Variants in SECISBP2L observed in about 807,000 individuals in gnomAD.
SECISBP2L encodes the protein selenocysteine insertion sequence-binding protein 2-like.
In SECISBP2L, 43 loss-of-function variants were observed where a neutral mutation model predicts 114.7. That is an observed-to-expected ratio of 0.38 (90% CI 0.29 to 0.48). The LOEUF is 0.48. Ranked by LOEUF, SECISBP2L falls within the 20% of genes least tolerant of loss-of-function variation. The pLI, the probability that SECISBP2L is intolerant of heterozygous loss-of-function variation, is 0.98. For synonymous variants in SECISBP2L, 451 were observed against 439.7 expected (o/e 1.03, Z -0.32); for missense variants, 1,136 against 1,301.1 (o/e 0.87, Z 1.95).
chr15:49,031,037 C>CT (rs373799142), intron 4 of SECISBP2L, among the ~76,000 whole-genome samples: 15,809 of 83,360 alleles, frequency 0.19, 358 homozygotes, highest in Non-Finnish European at 0.25. Flanking sequence ...TTATCATTTT[C>CT]TTTTTTTTTT....
intron 13 of SECISBP2L, among the ~76,000 whole-genome samples, chr15:49,010,153 A>ACACACACACACG (rs1190593953): frequency 6.8e-6 from 1 of 147,382 alleles, no homozygotes; most frequent in East Asian, 2.0e-4. Flanking sequence ...ACACACACAC[A>ACACACACACACG]CCCCTCTTGC....
At chr15:49,003,362 T>C (rs2141063736) in intron 14 of SECISBP2L, among the ~76,000 whole-genome samples, 1 of 152,368 alleles carries the variant, frequency 6.6e-6, no homozygotes, top group Non-Finnish European at 1.5e-5. Context: ...GTTTTCAAAA[T>C]ATACAATCAT....
At chr15:49,027,913 A>G (rs1245100516) in intron 6 of SECISBP2L, among the ~76,000 whole-genome samples, 2 of 152,084 alleles carry the variant, frequency 1.3e-5, no homozygotes, top group Non-Finnish European at 2.9e-5. Context: ...CCGGCCCTAT[A>G]AACTTCTAAG....
At chr15:49,004,419 T>A (rs1902273647) in intron 14 of SECISBP2L, among the ~76,000 whole-genome samples, 2 of 152,204 alleles carry the variant, frequency 1.3e-5, no homozygotes, top group Non-Finnish European at 2.9e-5. Flanking sequence ...GTTTTTTGTG[T>A]CTCTATCTCC....
Position 48,996,601 on chromosome 15 carries a change from T to G in SECISBP2L, c.2404-15A>C. ...TTAAACAGGCTCTGAAAAGAAAGAG[T>G]ATTTTGATTAATCCATTTTTTTGTT... On this transcript the variant is annotated splice_polypyrimidine_tract_variant and intron_variant, in intron 16 of 17. Transcript: ENST00000559471. 1 of 1,599,582 alleles carries G rather than the reference T, an allele frequency of 6.3e-7. No individual in the cohort carries two copies. Among genetic ancestry groups the G allele is most frequent in the Non-Finnish European group, 8.5e-7 (1 of 1,170,780 alleles).
intron 13 of SECISBP2L, among the ~76,000 whole-genome samples, chr15:49,010,124 G>GACAGACACACACACACACAC (rs1555385793): frequency 5.0e-5 from 7 of 138,748 alleles, no homozygotes; most frequent in Non-Finnish European, 1.1e-4. Flanking sequence ...AACAGAGGCA[G>GACAGACACACACACACACAC]ACACACACAC....
At chr15:49,001,798 T>G (rs1269889001) in intron 14 of SECISBP2L, 1 of 152,236 alleles carries the variant, frequency 6.6e-6, no homozygotes, top group African/African-American at 2.4e-5. Flanking sequence ...GAACTCATCC[T>G]TTTTTATGGC....
chr15:49,011,541 CCT>C (rs1458339820), intron 13 of SECISBP2L, 188 bp downstream of exon 13: 1 of 607,496 alleles, frequency 1.6e-6, no homozygotes, highest in Non-Finnish European at 2.8e-6. Flanking sequence ...CTATATAATA[CCT>C]GTCCCCTTCT....
At chr15:49,029,433 C>T (rs767111086) in intron 4 of SECISBP2L, among the ~76,000 whole-genome samples, 42 of 152,152 alleles carry the variant, frequency 2.8e-4, no homozygotes, top group Non-Finnish European at 4.4e-4. Context: ...TATTTTAAAA[C>T]GCCACTTTAT....
intron 15 of SECISBP2L, among the ~76,000 whole-genome samples, chr15:49,000,604 T>C (rs553351557): frequency 6.6e-6 from 1 of 152,366 alleles, no homozygotes; most frequent in Non-Finnish European, 1.5e-5. Context: ...AAATGCATTC[T>C]GGCTAGACCT....
chr15:48,999,483 A>G (rs1036173419), intron 16 of SECISBP2L, among the ~76,000 whole-genome samples: 11 of 152,218 alleles, frequency 7.2e-5, no homozygotes, highest in South Asian at 6.2e-4. Flanking sequence ...CTAGTAGCAC[A>G]AAATATACCC....
At chr15:49,046,145 G>A in intron 1 of SECISBP2L, 131 bp downstream of exon 1, 1 of 1,019,114 alleles carries the variant, frequency 9.8e-7, no homozygotes, top group Non-Finnish European at 1.4e-6. Flanking sequence ...GGAGCTGCCA[G>A]GCTCCCAGGT....
At chr15:49,026,505 T>C (rs1391328235) in intron 7 of SECISBP2L, among the ~76,000 whole-genome samples, 3 of 152,176 alleles carry the variant, frequency 2.0e-5, no homozygotes, top group South Asian at 4.1e-4. Flanking sequence ...ACAGTTATCA[T>C]GTGTCGACTA....
intron 14 of SECISBP2L, among the ~76,000 whole-genome samples, chr15:49,005,150 C>T (rs944586428): frequency 1.3e-5 from 2 of 152,038 alleles, no homozygotes; most frequent in African/African-American, 2.4e-5. Flanking sequence ...GCCAACATGG[C>T]GAAATCCTGT....
Position 48,988,690 on chromosome 15 carries a change from C to G in SECISBP2L, c.*3554G>C. 2.3e-6 allele frequency: 1 copy of G among 444,338 alleles called. No homozygotes were observed. The highest frequency in any genetic ancestry group is 1.6e-5 in the South Asian group (1 of 62,250). 27.5% of individuals were successfully genotyped at this position (444,338 alleles called of 1,614,324 possible). On this transcript the variant is annotated 3_prime_UTR_variant, in exon 18 of 18. Coordinates refer to ENST00000559471, the MANE Select transcript of SECISBP2L (RefSeq NM_001193489.2). ...ACAGAAGAATCCCCACTAGTATTTA[C>G]ATAGTGCAAAAAAGCTGTTATTACC...
intron 2 of SECISBP2L, among the ~76,000 whole-genome samples, chr15:49,036,519 AT>A (rs1159776855): frequency 6.6e-6 from 1 of 152,262 alleles, no homozygotes; most frequent in Non-Finnish European, 1.5e-5. Flanking sequence ...AAGAAAATCA[AT>A]TAAGTTTATC....
At chr15:49,035,023 C>T (rs1902977220) in intron 3 of SECISBP2L, among the ~76,000 whole-genome samples, 1 of 152,114 alleles carries the variant, frequency 6.6e-6, no homozygotes, top group Non-Finnish European at 1.5e-5. Context: ...CCACACTAAT[C>T]ACTTACAAAT....
intron 7 of SECISBP2L, among the ~76,000 whole-genome samples, chr15:49,025,807 A>G (rs1566859645): frequency 1.3e-5 from 2 of 152,352 alleles, no homozygotes; most frequent in East Asian, 3.9e-4. Context: ...TAGTATGACC[A>G]CTACAGAAAA....
At position 48,989,247 on chromosome 15, in the gene SECISBP2L, A is replaced by G. The variant is rs1467675139; in HGVS notation, c.*2997T>C. 1 of 152,674 alleles carries G rather than the reference A, an allele frequency of 6.5e-6. No homozygotes were observed. The highest frequency in any genetic ancestry group is 1.9e-4 in the East Asian group (1 of 5,186). The allele number at this position is 152,674 out of a possible 1,614,324, so 9.5% of individuals were successfully genotyped here. Reference sequence around the variant, plus strand: ...ATGTTAAAGAGTTGAAAATGAGTGTAGCATTCACTACTCATTTGCACATTT... The same window carrying G: ...ATGTTAAAGAGTTGAAAATGAGTGTGGCATTCACTACTCATTTGCACATTT... On this transcript the variant is annotated 3_prime_UTR_variant, in exon 18 of 18. Coordinates refer to ENST00000559471, the MANE Select transcript of SECISBP2L (RefSeq NM_001193489.2).
Sources: gnomAD v4.1 joint callset for allele counts (sites outside exome capture counted in the v4.1 genomes callset) on GRCh38, gnomAD v4.1.1 for gene constraint, MANE v1.5 for transcripts, NCBI Gene and HGNC (gene_info 2026-07-23, HGNC 2026-07-21) for gene names.